SH2D3A: variants seen among roughly 807,000 people sequenced by gnomAD.
SH2D3A encodes the protein SH2 domain containing 3A, also known as SH2 domain-containing protein 3A.
SH2D3A carries 46 observed loss-of-function variants against 50.6 expected under a neutral mutation model. That is an observed-to-expected ratio of 0.91 (90% CI 0.72 to 1.16). SH2D3A has a LOEUF of 1.16. Ranked by LOEUF, SH2D3A falls within the 50% of genes most tolerant of loss-of-function variation. SH2D3A has a pLI of 0.00. For synonymous variants in SH2D3A, 377 were observed against 348.4 expected (o/e 1.08, Z -0.91); for missense variants, 783 against 786.2 (o/e 1.00, Z 0.05).
rs1309791625 is a variant in SH2D3A at position 6,754,675 on chromosome 19, A to G, written c.1038T>C (p.Ser346=). Residue 346 remains serine, a synonymous_variant, in exon 6 of 10, where the codon TCT becomes TCC. Transcript: ENST00000245908. ...GGGGAAGAGTGAGCAGCTCCAGGCC[A>G]GATGAGACTCCCATGTTGCCCCGCT... ...RDQRGNMGVS[S]GLELLTLPHG... is the part of the protein sequence containing the mutation. 6.2e-7 allele frequency: 1 copy of G among 1,614,114 alleles called. No individual in the cohort carries two copies. Among genetic ancestry groups the G allele is most frequent in the African/African-American group, 1.3e-5 (1 of 74,944 alleles).
chr19:6,753,326 C>T (rs887586383), intron 9 of SH2D3A, 130 bp downstream of exon 9: 5 of 1,398,924 alleles, frequency 3.6e-6, no homozygotes, highest in Non-Finnish European at 3.7e-6. Flanking sequence ...GTGGAGCCGT[C>T]CCAGTTTGGG....
intron 1 of SH2D3A, chr19:6,764,310 T>G (rs1279587119): frequency 2.0e-5 from 3 of 151,174 alleles, no homozygotes; most frequent in Non-Finnish European, 4.4e-5. Flanking sequence ...ATAGCACACT[T>G]TAGCCTTGAA....
In SH2D3A at chr19:6,753,636, A is replaced by C; in HGVS notation, c.1390T>G (p.Cys464Gly). ...GGCAGCGCCACCTCGCCGGGGTCGC[A>C]GGGTCCTGCGGAGGGGGAGGGTCTG... ...MRALDEGAGP[C>G]DPGEVALPHV... Residue 464 changes from cysteine to glycine, a missense_variant, in exon 9 of 10, where the codon TGC becomes GGC. Physicochemically the swap from Cys to Gly is radical, Grantham distance 159 (BLOSUM62 -3). Coordinates refer to ENST00000245908, the MANE Select transcript of SH2D3A (RefSeq NM_005490.3). The C allele has an allele frequency of 6.4e-7, 1 of 1,573,460 alleles. No individual in the cohort carries two copies. The highest frequency in any genetic ancestry group is 1.2e-5 in the South Asian group (1 of 84,808).
At position 6,753,207 on chromosome 19, in the gene SH2D3A, A is replaced by G. The variant is rs1016183044; in HGVS notation, c.1570+249T>C. On this transcript the variant is annotated intron_variant, in intron 9 of 9. Transcript: ENST00000245908. ...TCTTAGGTGGGAAGGGGGAGTGGGG[A>G]CCCGCGGAGGTGGCTCTGGGGGCAG... is the stretch of plus-strand genomic sequence containing the variant. 8.1e-6 allele frequency: 8 copies of G among 984,182 alleles called. No individual in the cohort carries two copies. In the African/African-American group the frequency reaches 1.4e-4, roughly 17 times the overall value. 61.0% of individuals were successfully genotyped at this position (984,182 alleles called of 1,614,324 possible). A position where few individuals can be genotyped will look rare whatever the true frequency, so the allele number is the denominator to read the frequency against.
intron 2 of SH2D3A, among the ~76,000 whole-genome samples, chr19:6,762,198 T>C (rs1396262871): frequency 1.3e-5 from 2 of 152,056 alleles, no homozygotes; most frequent in African/African-American, 2.4e-5. Flanking sequence ...GTTGTTGTTC[T>C]TTGGGACGGA....
At chr19:6,757,312 C>CTTTTT (rs796930753) in intron 4 of SH2D3A, 1 of 107,820 alleles carries the variant, frequency 9.3e-6, no homozygotes. Context: ...TTTTCTTCTT[C>CTTTTT]TTTTTTTTTT....
chr19:6,759,815 G>A (rs967851829), intron 3 of SH2D3A, 145 bp from the exon 4 acceptor site: 5 of 691,730 alleles, frequency 7.2e-6, no homozygotes, highest in African/African-American at 5.4e-5. Context: ...TCTTAGCAAC[G>A]TGTGGAGACA....
chr19:6,755,559 T>A lies in SH2D3A; in HGVS notation c.497-244A>T, dbSNP rs141869971. Among the ~76,000 whole-genome samples the A allele has an allele frequency of 5.4e-3, 824 of 151,870 alleles. 2 individuals are homozygous for A. Among genetic ancestry groups the A allele is most frequent in the African/African-American group, 0.013 (540 of 41,438 alleles). ...TCTGTAAATTATTTTTTTTTAATTT[T>A]ATTTTATTTTATAGAGATGGGATCT... On this transcript the variant is annotated intron_variant, in intron 4 of 9. Transcript: ENST00000245908.
intron 4 of SH2D3A, among the ~76,000 whole-genome samples, chr19:6,756,416 G>C (rs919739682): frequency 6.6e-6 from 1 of 151,556 alleles, no homozygotes; most frequent in Non-Finnish European, 1.5e-5. Flanking sequence ...AAGAAACCAA[G>C]CTTATTAAAC....
At position 6,753,488 on chromosome 19, in the gene SH2D3A, T is replaced by A; in HGVS notation, c.1538A>T (p.Lys513Ile). The change falls in exon 9 of 10, where the codon AAA (lysine) becomes ATA (isoleucine). Residue 513 changes from lysine to isoleucine, a missense_variant. By Grantham distance (102) the Lys-to-Ile change is moderately radical. Coordinates refer to ENST00000245908, the MANE Select transcript of SH2D3A (RefSeq NM_005490.3). ...GCGCTGGGCTGCCACCTTGCGGAAT[T>A]TGGGTGCGTCCCGGACCATGTGACG... ...GARHMVRDAP[K>I]FRKVAAQRLR... The A allele has an allele frequency of 6.5e-7, 1 of 1,532,554 alleles. No individual in the cohort carries two copies. Among genetic ancestry groups the A allele is most frequent in the Non-Finnish European group, 8.8e-7 (1 of 1,135,448 alleles). 94.9% of individuals were successfully genotyped at this position (1,532,554 alleles called of 1,614,324 possible). A position where few individuals can be genotyped will look rare whatever the true frequency, so the allele number is the denominator to read the frequency against.
At position 6,752,598 on chromosome 19, in the gene SH2D3A, G is replaced by A. The variant is rs1222581053; in HGVS notation, c.1726C>T (p.Arg576Cys). The change falls in exon 10 of 10, where the codon CGC becomes TGC. Residue 576 changes from arginine to cysteine, a missense_variant. Arg to Cys is a radical substitution (Grantham distance 180). Transcript: ENST00000245908. The part of the protein sequence containing the change: ...GVLSQRLEPD[R>C] ...GAAGAAGGGTGTCTGCGCTCTCAGC[G>A]GTCAGGCTCCAGGCGCTGCGACAGG... 10 of 1,549,920 alleles carry A rather than the reference G, an allele frequency of 6.5e-6. No homozygotes were observed. Among genetic ancestry groups the A allele is most frequent in the East Asian group, 2.4e-5 (1 of 42,384 alleles).
chr19:6,756,561 C>T (rs1969692827), intron 4 of SH2D3A, among the ~76,000 whole-genome samples: 1 of 152,002 alleles, frequency 6.6e-6, no homozygotes, highest in Admixed American at 6.6e-5. Flanking sequence ...CTCCCCTCAT[C>T]GTAAACTTTC....
chr19:6,757,340 C>A (rs1335220606), intron 4 of SH2D3A: 2 of 130,142 alleles, frequency 1.5e-5, no homozygotes, highest in Non-Finnish European at 3.1e-5. Context: ...AAATTTGAGT[C>A]AGGGTCTCAC....
rs777157553 is a variant in SH2D3A at position 6,752,634 on chromosome 19, C to T, written c.1690G>A (p.Val564Ile). The part of the protein sequence containing the change: ...RAERFEKFQR[V>I]LGVLSQRLEP... ...AGGCGCTGCGACAGGACGCCGAGGA[C>T]GCGCTGGAACTTCTCAAAGCGTTCA... is the stretch of plus-strand genomic sequence containing the variant. Residue 564 changes from valine to isoleucine, a missense_variant, in exon 10 of 10, where the codon GTC becomes ATC. Transcript: ENST00000245908. 2.6e-6 allele frequency: 4 copies of T among 1,556,996 alleles called. No homozygotes were observed. The highest frequency in any genetic ancestry group is 1.4e-5 in the African/African-American group (1 of 73,634).
At chr19:6,757,082 G>A (rs1184546999) in intron 4 of SH2D3A, among the ~76,000 whole-genome samples, 1 of 151,856 alleles carries the variant, frequency 6.6e-6, no homozygotes, top group Non-Finnish European at 1.5e-5. Context: ...GGCCAGGATG[G>A]TCTTGATCTC....
chr19:6,760,866 CG>C lies in SH2D3A; in HGVS notation c.190del (p.Arg64ValfsTer33). ...RGSALHFEVF[R>X]VALRPRPGRP... ...GCCTGGCCGGGGACGCAGGGCCACA[CG>C]GAACACCTCAAAATGGAGGGCTGAG... On this transcript the variant is annotated frameshift_variant, in exon 3 of 10. Coordinates refer to ENST00000245908, the MANE Select transcript of SH2D3A (RefSeq NM_005490.3). LOFTEE classifies it high-confidence loss of function. 5 of 1,614,232 alleles carry C rather than the reference CG, an allele frequency of 3.1e-6. No homozygotes were observed. Among genetic ancestry groups the C allele is most frequent in the Non-Finnish European group, 4.2e-6 (5 of 1,180,048 alleles).
rs1382316739 is a variant in SH2D3A, at chr19:6,763,815, A to T, written c.-67T>A. The T allele has an allele frequency of 2.2e-6, 3 of 1,357,218 alleles. No homozygotes were observed. The highest frequency in any genetic ancestry group is 2.9e-5 in the African/African-American group (2 of 69,448). The allele number at this position is 1,357,218 out of a possible 1,614,324, so 84.1% of individuals were successfully genotyped here. ...CTTTCAACAGGCCTCAGTCTTCCAC[A>T]TCTGTAAAAGGGGAATAATTAGCCC... On this transcript the variant is annotated splice_region_variant and 5_prime_UTR_variant, in exon 2 of 10. It removes an upstream start codon present in the reference 5' UTR. Transcript: ENST00000245908.
At position 6,752,452 on chromosome 19, in the gene SH2D3A, T is replaced by C. The variant is rs1969367850; in HGVS notation, c.*141A>G. ...ATGTTCACCATGGTCCAGGTGACCCTGACTGCGGTCCCCACCTCTTCTGTG... is the reference window on the plus strand; with the variant it reads ...ATGTTCACCATGGTCCAGGTGACCCCGACTGCGGTCCCCACCTCTTCTGTG... On this transcript the variant is annotated 3_prime_UTR_variant, in exon 10 of 10. Coordinates refer to ENST00000245908, the MANE Select transcript of SH2D3A (RefSeq NM_005490.3). 1.4e-6 allele frequency: 1 copy of C among 715,066 alleles called. No homozygotes were observed. The highest frequency in any genetic ancestry group is 2.0e-6 in the Non-Finnish European group (1 of 492,482). The allele number at this position is 715,066 out of a possible 1,614,324, so 44.3% of individuals were successfully genotyped here.
rs756657361 is a variant in SH2D3A at position 6,755,055 on chromosome 19, G to C, written c.757C>G (p.Pro253Ala). Residue 253 changes from proline (P) to alanine (A), a missense_variant, in exon 5 of 10, where the codon CCA becomes GCA. Coordinates refer to ENST00000245908, the MANE Select transcript of SH2D3A (RefSeq NM_005490.3). ...TCGGCCTCCCACCATGGGGCCTCTG[G>C]CTCTGGGCAGCTTTGGCTCGGGGAT... ...GTSPSQSCPE[P>A]EAPWWEAEED... 6.2e-7 allele frequency: 1 copy of C among 1,613,816 alleles called. No homozygotes were observed. Among genetic ancestry groups the C allele is most frequent in the Non-Finnish European group, 8.5e-7 (1 of 1,179,970 alleles).
Sources: allele counts gnomAD v4.1 joint callset (sites outside exome capture counted in the v4.1 genomes callset), GRCh38; gene constraint gnomAD v4.1.1; transcripts MANE v1.5; gene names NCBI Gene and HGNC (gene_info 2026-07-23, HGNC 2026-07-21).